Variants in GRM8 observed in about 807,000 individuals in gnomAD.
The protein encoded by GRM8 is glutamate metabotropic receptor 8, also known as metabotropic glutamate receptor 8.
In GRM8, 47 loss-of-function variants were observed where a neutral mutation model predicts 87.2. The ratio of observed to expected loss-of-function variants is 0.54; its 90% confidence interval spans 0.43 to 0.69. The LOEUF (loss-of-function observed/expected upper bound fraction) is 0.69. Among genes scored for constraint, GRM8 ranks in the 30% least tolerant of loss-of-function variants. GRM8 has a pLI of 0.00. For missense variants in GRM8, 1,019 were observed against 1,139.2 expected, an observed-to-expected ratio of 0.89 and a Z score of 1.52; for synonymous variants, 396 against 404.5, an observed-to-expected ratio of 0.98 and a Z score of 0.25.
chr7:126,612,065 A>G (rs1339261544), intron 7 of GRM8, among the ~76,000 whole-genome samples: 1 of 152,134 alleles, frequency 6.6e-6, no homozygotes, highest in African/African-American at 2.4e-5. Flanking sequence ...TAATTTCCCT[A>G]TATCTCACAT....
chr7:126,802,412 A>G (rs1384286475), intron 6 of GRM8, among the ~76,000 whole-genome samples: 2 of 152,168 alleles, frequency 1.3e-5, no homozygotes, highest in Non-Finnish European at 2.9e-5. Context: ...TTCCACATAA[A>G]AGTGAGATTG....
chr7:126,491,972 T>A (rs2150644600), intron 9 of GRM8, among the ~76,000 whole-genome samples: 1 of 152,134 alleles, frequency 6.6e-6, no homozygotes. Context: ...AAAAAAGCCA[T>A]CCCTTCTTTC....
intron 9 of GRM8, among the ~76,000 whole-genome samples, chr7:126,498,016 C>T (rs931867746): frequency 2.6e-5 from 4 of 151,846 alleles, no homozygotes; most frequent in Non-Finnish European, 5.9e-5. Context: ...ACAAAGAAAT[C>T]CCTTGACCCT....
chr7:127,126,845 A>G (rs963918607), intron 2 of GRM8, among the ~76,000 whole-genome samples: 16 of 152,024 alleles, frequency 1.1e-4, no homozygotes, highest in Non-Finnish European at 2.2e-4. Flanking sequence ...CTGATTAAAG[A>G]CTTTTACCAA....
chr7:126,885,001 T>C (rs1390850399), intron 6 of GRM8, among the ~76,000 whole-genome samples: 1 of 152,186 alleles, frequency 6.6e-6, no homozygotes, highest in East Asian at 1.9e-4. Flanking sequence ...GGATAGTATA[T>C]CCCTCTGTAC....
At chr7:126,601,682 G>A (rs1459754274) in intron 8 of GRM8, among the ~76,000 whole-genome samples, 1 of 149,692 alleles carries the variant, frequency 6.7e-6, no homozygotes, top group Non-Finnish European at 1.5e-5. Flanking sequence ...CTGATGGCTA[G>A]TGATGATGAG....
intron 6 of GRM8, among the ~76,000 whole-genome samples, chr7:126,890,924 T>C (rs903486217): frequency 2.6e-5 from 4 of 152,046 alleles, no homozygotes; most frequent in Non-Finnish European, 2.9e-5. Flanking sequence ...GTCCCATTAA[T>C]ATACTAGTGA....
At chr7:126,539,809 G>C (rs1013085660) in intron 8 of GRM8, among the ~76,000 whole-genome samples, 1 of 151,254 alleles carries the variant, frequency 6.6e-6, no homozygotes, top group Non-Finnish European at 1.5e-5. Context: ...ACTCAAAAAG[G>C]ATCCAAGACA....
chr7:126,938,297 G>T (rs958684614), intron 3 of GRM8, among the ~76,000 whole-genome samples: 1 of 152,134 alleles, frequency 6.6e-6, no homozygotes, highest in Non-Finnish European at 1.5e-5. Context: ...AGAGCAATGA[G>T]ACAGAACCTG....
At chr7:127,031,033 C>T (rs1817308693) in intron 3 of GRM8, among the ~76,000 whole-genome samples, 2 of 152,100 alleles carry the variant, frequency 1.3e-5, no homozygotes, top group African/African-American at 4.8e-5. Flanking sequence ...GCAGGTTGCA[C>T]TTGCATTAGG....
At chr7:126,832,175 AAAAAAAAAAAG>A (rs905690589) in intron 6 of GRM8, among the ~76,000 whole-genome samples, 2 of 151,528 alleles carry the variant, frequency 1.3e-5, no homozygotes, top group African/African-American at 4.8e-5. Flanking sequence ...ATCTTCCAAA[AAAAAAAAAAAG>A]AAAAAGAAAA....
chr7:126,797,742 C>G (rs999261608), intron 6 of GRM8, among the ~76,000 whole-genome samples: 3 of 152,064 alleles, frequency 2.0e-5, no homozygotes, highest in African/African-American at 7.2e-5. Flanking sequence ...AAAAACTACT[C>G]TTAGAACATG....
intron 9 of GRM8, among the ~76,000 whole-genome samples, chr7:126,524,000 T>C (rs915163129): frequency 6.6e-6 from 1 of 152,320 alleles, no homozygotes; most frequent in African/African-American, 2.4e-5. Context: ...TACTATATTA[T>C]GGCTACTAAA....
At chr7:126,778,915 TA>T (rs146091672) in intron 6 of GRM8, among the ~76,000 whole-genome samples, 73 of 151,614 alleles carry the variant, frequency 4.8e-4, no homozygotes, top group African/African-American at 1.7e-3. Flanking sequence ...AAGAAGAAAA[TA>T]AAAAAAAATC....
chr7:127,005,899 T>A (rs2283088), intron 3 of GRM8, among the ~76,000 whole-genome samples: 1 of 151,528 alleles, frequency 6.6e-6, no homozygotes, highest in African/African-American at 2.4e-5. Flanking sequence ...CTTAAATTTA[T>A]GACCACAAAT....
At chr7:126,488,481 T>A (rs1010806619) in intron 9 of GRM8, among the ~76,000 whole-genome samples, 1 of 151,972 alleles carries the variant, frequency 6.6e-6, no homozygotes, top group Non-Finnish European at 1.5e-5. Context: ...CTAACATCCA[T>A]CCACAATCTT....
intron 2 of GRM8, among the ~76,000 whole-genome samples, chr7:127,154,558 G>C (rs1792606249): frequency 6.6e-6 from 1 of 152,028 alleles, no homozygotes; most frequent in Non-Finnish European, 1.5e-5. Context: ...CTTTAGGCAT[G>C]GAAGAAACTA....
intron 8 of GRM8, among the ~76,000 whole-genome samples, chr7:126,581,853 C>G (rs1480613186): frequency 6.6e-6 from 1 of 152,112 alleles, no homozygotes; most frequent in African/African-American, 2.4e-5. Context: ...TGCAACAGAA[C>G]TACACCTATA....
chr7:126,811,366 C>A (rs1233985087), intron 6 of GRM8, among the ~76,000 whole-genome samples: 4 of 150,974 alleles, frequency 2.6e-5, no homozygotes, highest in Non-Finnish European at 1.5e-5. Flanking sequence ...TCTTTGGTTT[C>A]ATACAGGTTT....
Sources: gnomAD v4.1 joint callset for allele counts (sites outside exome capture counted in the v4.1 genomes callset) on GRCh38, gnomAD v4.1.1 for gene constraint, MANE v1.5 for transcripts, NCBI Gene and HGNC (gene_info 2026-07-23, HGNC 2026-07-21) for gene names.